Variants in ORC2 observed in about 807,000 individuals in gnomAD.
ORC2 encodes the protein origin recognition complex subunit 2, also known as origin recognition complex protein 2 homolog.
A neutral mutation model predicts 77.7 loss-of-function variants in ORC2; 37 were observed. The observed-to-expected ratio is 0.48, with a 90% confidence interval of 0.37 to 0.63. The LOEUF (loss-of-function observed/expected upper bound fraction) is 0.63, where lower values mean the gene tolerates loss of function less well. Ranked by LOEUF, ORC2 falls within the 20% of genes least tolerant of loss-of-function variation. The pLI is 0.00. For missense variants in ORC2, 557 were observed against 661.9 expected (o/e 0.84, Z 1.74); for synonymous variants, 201 against 229.5 (o/e 0.88, Z 1.12).
chr2:200,958,197 AT>A, intron 2 of ORC2, 64 bp from the exon 3 acceptor site: 1 of 891,886 alleles, frequency 1.1e-6, no homozygotes, highest in Non-Finnish European at 1.9e-6. Context: ...CAAATTAAAC[AT>A]TCACATAATG....
In ORC2 at chr2:200,949,614, C is replaced by G; in HGVS notation, c.268G>C (p.Gly90Arg). 1.3e-6 allele frequency: 2 copies of G among 1,599,662 alleles called. No homozygotes were observed. The highest frequency in any genetic ancestry group is 1.7e-6 in the Non-Finnish European group (2 of 1,169,536). ...TGAAAAGAATAAACTTTATTTCCAC[C>G]ACCTGTAGCAGAGCCATTTTTCAAT... ...ESLKNGSATGGGNKVYSFQNR... is the reference protein window; with the variant it reads ...ESLKNGSATGRGNKVYSFQNR... Residue 90 changes from glycine (G) to arginine (R), a missense_variant, in exon 5 of 18, where the codon GGT becomes CGT. Transcript: ENST00000234296.
At chr2:200,931,826 T>C (rs1486770145) in intron 10 of ORC2, among the ~76,000 whole-genome samples, 2 of 152,192 alleles carry the variant, frequency 1.3e-5, no homozygotes, top group Non-Finnish European at 2.9e-5. Context: ...CCAAAAGCTG[T>C]TTCTAACAAA....
chr2:200,932,005 C>T (rs188555870), intron 10 of ORC2, among the ~76,000 whole-genome samples: 139 of 152,286 alleles, frequency 9.1e-4, no homozygotes, highest in Non-Finnish European at 1.6e-3. Flanking sequence ...TTCACTTTGG[C>T]ACTACCATGT....
At chr2:200,951,728 A>G (rs953709993) in intron 4 of ORC2, among the ~76,000 whole-genome samples, 5 of 152,148 alleles carry the variant, frequency 3.3e-5, no homozygotes, top group African/African-American at 1.2e-4. Context: ...CTATTTGCCT[A>G]TTTTTTAATT....
At chr2:200,955,300 G>A (rs1053973551) in intron 4 of ORC2, among the ~76,000 whole-genome samples, 1 of 152,088 alleles carries the variant, frequency 6.6e-6, no homozygotes, top group Non-Finnish European at 1.5e-5. Context: ...GTCTAGCTGT[G>A]GACACATAGG....
intron 1 of ORC2, among the ~76,000 whole-genome samples, chr2:200,961,467 G>T (rs764265480): frequency 2.6e-5 from 4 of 152,124 alleles, no homozygotes; most frequent in Non-Finnish European, 5.9e-5. Context: ...TGCTTGTTTT[G>T]ACCTCTGAAA....
At chr2:200,914,842 A>G (rs1178643656) in intron 15 of ORC2, among the ~76,000 whole-genome samples, 2 of 152,122 alleles carry the variant, frequency 1.3e-5, no homozygotes, top group East Asian at 1.9e-4. Context: ...AAAAATATCA[A>G]TCCCATATCC....
intron 10 of ORC2, among the ~76,000 whole-genome samples, chr2:200,931,755 G>T (rs1304011288): frequency 6.6e-6 from 1 of 152,028 alleles, no homozygotes; most frequent in African/African-American, 2.4e-5. Context: ...AACATTAAAG[G>T]TTCTTTATAA....
chr2:200,959,633 T>C (rs2041533344), intron 1 of ORC2, among the ~76,000 whole-genome samples, 193 bp from the exon 2 acceptor site: 1 of 152,220 alleles, frequency 6.6e-6, no homozygotes, highest in East Asian at 1.9e-4. Flanking sequence ...CCCTAGATAC[T>C]GAGAACATCT....
At chr2:200,950,932 G>A (rs964533234) in intron 4 of ORC2, among the ~76,000 whole-genome samples, 4 of 152,088 alleles carry the variant, frequency 2.6e-5, no homozygotes, top group African/African-American at 4.8e-5. Flanking sequence ...TAATGACACT[G>A]AACATTTTTT....
At chr2:200,938,995 C>T (rs981636713) in intron 7 of ORC2, among the ~76,000 whole-genome samples, 20 of 150,268 alleles carry the variant, frequency 1.3e-4, no homozygotes, top group Non-Finnish European at 2.2e-4. Flanking sequence ...GCCGAGATCA[C>T]GTTATTGGAC....
Position 200,949,641 on chromosome 2 carries a change from A to G in ORC2, c.241T>C (p.Ser81Pro). 1 of 1,567,456 alleles carries G rather than the reference A, an allele frequency of 6.4e-7. No individual in the cohort carries two copies. Among genetic ancestry groups the G allele is most frequent in the African/African-American group, 1.4e-5 (1 of 73,716 alleles). The change falls in exon 5 of 18, where the codon TCA (serine) becomes CCA (proline). Residue 81 changes from serine (S) to proline (P), a missense_variant and splice_region_variant. Physicochemically the swap from Ser to Pro is moderately conservative, Grantham distance 74 (BLOSUM62 -1). Coordinates refer to ENST00000234296, the MANE Select transcript of ORC2 (RefSeq NM_006190.5). Reference sequence around the variant, plus strand: ...CCTGTAGCAGAGCCATTTTTCAATGATTCTGAAAGAAAAAAATGCAATATA... The same window carrying G: ...CCTGTAGCAGAGCCATTTTTCAATGGTTCTGAAAGAAAAAAATGCAATATA... Reference protein sequence around the residue: ...VEIMGRDVQESLKNGSATGGG... With the variant: ...VEIMGRDVQEPLKNGSATGGG...
chr2:200,933,261 T>C (rs2040974840), intron 10 of ORC2, among the ~76,000 whole-genome samples: 1 of 148,560 alleles, frequency 6.7e-6, no homozygotes, highest in Non-Finnish European at 1.5e-5. Context: ...AATGAGCTAC[T>C]GGAACCATGG....
intron 12 of ORC2, 121 bp downstream of exon 12, chr2:200,926,647 A>C: frequency 2.3e-6 from 2 of 885,592 alleles, no homozygotes; most frequent in Non-Finnish European, 3.6e-6. Flanking sequence ...ATTAAGCACT[A>C]TACAATCCTA....
intron 12 of ORC2, 67 bp from the exon 13 acceptor site, chr2:200,925,999 C>A: frequency 1.5e-6 from 1 of 665,326 alleles, no homozygotes; most frequent in Non-Finnish European, 2.5e-6. Flanking sequence ...ACTAGAAAAT[C>A]AAACCTTTTT....
intron 15 of ORC2, 51 bp downstream of exon 15, chr2:200,920,171 A>C (rs746806670): frequency 2.8e-6 from 4 of 1,419,436 alleles, no homozygotes; most frequent in Non-Finnish European, 3.9e-6. Context: ...CTAGTAGTAC[A>C]TATCTTAAAA....
chr2:200,919,390 GCT>G (rs1328248721), intron 15 of ORC2, among the ~76,000 whole-genome samples: 1 of 152,152 alleles, frequency 6.6e-6, no homozygotes, highest in Non-Finnish European at 1.5e-5. Context: ...GACAGAGATT[GCT>G]CTGTCACGCA....
At chr2:200,914,635 C>G (rs1216851435) in intron 15 of ORC2, among the ~76,000 whole-genome samples, 3 of 152,032 alleles carry the variant, frequency 2.0e-5, no homozygotes, top group Admixed American at 2.0e-4. Flanking sequence ...AAAAATTAGC[C>G]AGGCATACTG....
chr2:200,917,366 C>T (rs1244123516), intron 15 of ORC2, among the ~76,000 whole-genome samples: 4 of 152,016 alleles, frequency 2.6e-5, no homozygotes, highest in South Asian at 2.1e-4. Context: ...TGCCCAGGTT[C>T]GTCTCAAACT....
Sources: gnomAD v4.1 joint callset for allele counts (sites outside exome capture counted in the v4.1 genomes callset) on GRCh38, gnomAD v4.1.1 for gene constraint, MANE v1.5 for transcripts, NCBI Gene and HGNC (gene_info 2026-07-23, HGNC 2026-07-21) for gene names.